DICER1: variants seen among roughly 807,000 people sequenced by gnomAD.
The protein encoded by DICER1 is endoribonuclease Dicer.
In DICER1, 43 loss-of-function variants were observed where a neutral mutation model predicts 194.1. That is an observed-to-expected ratio of 0.22 (90% CI 0.17 to 0.29). The LOEUF (loss-of-function observed/expected upper bound fraction) is 0.29. Ranked by LOEUF, DICER1 falls within the 10% of genes least tolerant of loss-of-function variation. The probability of loss-of-function intolerance (pLI) is 1.00; values close to 1 mark genes in which losing one functional copy is unlikely to be tolerated. For synonymous variants in DICER1, 832 were observed against 820.5 expected (o/e 1.01, Z -0.24); for missense variants, 1,608 against 2,317.0 (o/e 0.69, Z 6.28).
rs1889429281 is a variant in DICER1 at position 95,087,515 on chromosome 14, A to C, written c.*2983T>G. 4.3e-6 allele frequency: 1 copy of C among 232,994 alleles called. No individual in the cohort carries two copies. The highest frequency in any genetic ancestry group is 8.5e-6 in the Non-Finnish European group (1 of 117,986). The allele number at this position is 232,994 out of a possible 1,614,324, so 14.4% of individuals were successfully genotyped here. On this transcript the variant is annotated 3_prime_UTR_variant, in exon 27 of 27. Coordinates refer to ENST00000343455, the MANE Select transcript of DICER1 (RefSeq NM_177438.3). ...TATCTTTTTCAAATTCCATAAATCAAAACAGCAGCAAGGCCAAACCACATT... is the reference window on the plus strand; with the variant it reads ...TATCTTTTTCAAATTCCATAAATCACAACAGCAGCAAGGCCAAACCACATT...
At chr14:95,108,254 C>T in intron 15 of DICER1, 70 bp downstream of exon 15, 4 of 1,401,556 alleles carry the variant, frequency 2.9e-6, no homozygotes, top group African/African-American at 1.4e-5. Flanking sequence ...GTACTTACTA[C>T]TAGTTTTTTT....
At chr14:95,126,485 A>C in intron 7 of DICER1, 95 bp downstream of exon 7, 2 of 814,304 alleles carry the variant, frequency 2.5e-6, no homozygotes, top group South Asian at 1.7e-5. Flanking sequence ...TAAAATGCAA[A>C]GAAAAGAGCC....
intron 1 of DICER1, among the ~76,000 whole-genome samples, chr14:95,135,653 A>C (rs2140311888): frequency 6.6e-6 from 1 of 152,388 alleles, no homozygotes; most frequent in Non-Finnish European, 1.5e-5. Context: ...ACAAATGGAC[A>C]TAAAGATGGA....
At chr14:95,117,063 T>A (rs1426411125) in intron 9 of DICER1, among the ~76,000 whole-genome samples, 2 of 152,212 alleles carry the variant, frequency 1.3e-5, no homozygotes, top group Admixed American at 6.5e-5. Context: ...TTAAGTTAAA[T>A]AATAAACTTT....
At chr14:95,134,967 C>T (rs1566818353) in intron 1 of DICER1, among the ~76,000 whole-genome samples, 1 of 152,154 alleles carries the variant, frequency 6.6e-6, no homozygotes, top group Non-Finnish European at 1.5e-5. Context: ...ACCCTAGTAC[C>T]CAAGCCTAGT....
intron 8 of DICER1, among the ~76,000 whole-genome samples, chr14:95,118,686 C>T (rs1463259264): frequency 2.0e-5 from 3 of 152,038 alleles, no homozygotes; most frequent in Non-Finnish European, 4.4e-5. Flanking sequence ...ACTCAGCACA[C>T]GGGATAAATG....
chr14:95,091,489 T>A, intron 24 of DICER1, 124 bp from the exon 25 acceptor site: 16 of 863,898 alleles, frequency 1.9e-5, no homozygotes, highest in Non-Finnish European at 2.8e-5. Context: ...GAAATACCAT[T>A]TATGGTATGC....
intron 1 of DICER1, among the ~76,000 whole-genome samples, chr14:95,156,976 G>C (rs1027432477): frequency 6.6e-6 from 1 of 152,136 alleles, no homozygotes; most frequent in African/African-American, 2.4e-5. Context: ...AAGTCTCCCA[G>C]GGCTGCCTCG....
At chr14:95,146,442 A>C (rs578221513) in intron 1 of DICER1, among the ~76,000 whole-genome samples, 60 of 152,330 alleles carry the variant, frequency 3.9e-4, no homozygotes, top group African/African-American at 1.4e-3. Context: ...AGCCTGTAAA[A>C]GCCCAGGACC....
At position 95,105,204 on chromosome 14, in the gene DICER1, A is replaced by G; in HGVS notation, c.3136T>C (p.Ser1046Pro). 1.9e-6 allele frequency: 3 copies of G among 1,614,112 alleles called. No individual in the cohort carries two copies. Among genetic ancestry groups the G allele is most frequent in the Non-Finnish European group, 2.5e-6 (3 of 1,179,982 alleles). The change falls in exon 20 of 27, where the codon TCA becomes CCA. Residue 1046 changes from serine to proline, a missense_variant. Ser to Pro is a moderately conservative substitution (Grantham distance 74). Transcript: ENST00000343455. This position sits in a 1 kb window ranked among gnomAD's most constrained non-coding sequence, Gnocchi z 4.9. ...ELCAIHPIPASLWRKAVCLPS... is the reference protein window; with the variant it reads ...ELCAIHPIPAPLWRKAVCLPS... Reference sequence around the variant, plus strand: ...AGACAAACAGCTTTTCTCCACAGTGATGCTGGAATTGGATGTATAGCACAG... The same window carrying G: ...AGACAAACAGCTTTTCTCCACAGTGGTGCTGGAATTGGATGTATAGCACAG...
chr14:95,151,070 G>C (rs1353638848), intron 1 of DICER1, among the ~76,000 whole-genome samples: 2 of 152,152 alleles, frequency 1.3e-5, no homozygotes, highest in Non-Finnish European at 2.9e-5. Context: ...AACCTAACTT[G>C]AGGTTTATTT....
intron 3 of DICER1, among the ~76,000 whole-genome samples, chr14:95,132,023 C>T (rs996627707): frequency 7.2e-5 from 11 of 152,020 alleles, no homozygotes; most frequent in African/African-American, 2.4e-4. Context: ...ATATTAGTGC[C>T]CTACCAGCTT....
At chr14:95,102,635 G>A (rs1890981589) in intron 21 of DICER1, among the ~76,000 whole-genome samples, 1 of 152,194 alleles carries the variant, frequency 6.6e-6, no homozygotes, top group Non-Finnish European at 1.5e-5. Context: ...CAAGTGATCA[G>A]CAGCTTTCTA....
chr14:95,129,263 G>T lies in DICER1; in HGVS notation c.734+209C>A, dbSNP rs1893740205. On this transcript the variant is annotated intron_variant, in intron 6 of 26. Transcript: ENST00000343455. ...ACACATAATCTCTTAAGGCAGAAATGCCTGTCTGCTACTCTCTGTGGAAAC... is the reference window on the plus strand; with the variant it reads ...ACACATAATCTCTTAAGGCAGAAATTCCTGTCTGCTACTCTCTGTGGAAAC... The T allele has an allele frequency of 5.7e-6, 3 of 530,394 alleles. No individual in the cohort carries two copies. In the Admixed American group the frequency reaches 9.6e-5, roughly 17 times the overall value. The allele number at this position is 530,394 out of a possible 1,614,324, so 32.9% of individuals were successfully genotyped here. A position where few individuals can be genotyped will look rare whatever the true frequency, so the allele number is the denominator to read the frequency against.
At position 95,105,166 on chromosome 14, in the gene DICER1, A is replaced by C; in HGVS notation, c.3174T>G (p.Leu1058=). The C allele has an allele frequency of 6.2e-7, 1 of 1,614,184 alleles. No homozygotes were observed. The highest frequency in any genetic ancestry group is 8.5e-7 in the Non-Finnish European group (1 of 1,180,016). The change falls in exon 20 of 27, where the codon CTT becomes CTG. Residue 1058 remains leucine, a synonymous_variant. Transcript: ENST00000343455. The surrounding 1 kb of genome is among the most constrained non-coding windows in gnomAD (Gnocchi z 4.9). The stretch of plus-strand genomic sequence containing the variant: ...CAGTCAAAAGGCAGTGAAGGCGATA[A>C]AGTATGCTGGGGAGACAAACAGCTT... ...WRKAVCLPSI[L]YRLHCLLTAE... is the part of the protein sequence containing the mutation.
chr14:95,102,989 G>GCA (rs1891021956), intron 21 of DICER1, among the ~76,000 whole-genome samples: 1 of 152,186 alleles, frequency 6.6e-6, no homozygotes, highest in Non-Finnish European at 1.5e-5. Context: ...CAACAAAGCA[G>GCA]AAGCTCCTTG....
rs897277291 is a variant in DICER1 at position 95,090,751 on chromosome 14, G to C, written c.5604-88C>G. On this transcript the variant is annotated intron_variant, in intron 26 of 26. Coordinates refer to ENST00000343455, the MANE Select transcript of DICER1 (RefSeq NM_177438.3). ...CATTTAGTGTGCACTCTCAGGCCAG[G>C]AGTCCCATGTATAAGCTGACACCAC... 3.7e-5 allele frequency: 54 copies of C among 1,473,610 alleles called. 1 individual carries two copies. In the Middle Eastern group the frequency reaches 7.3e-4, roughly 20 times the overall value. 91.3% of individuals were successfully genotyped at this position (1,473,610 alleles called of 1,614,324 possible). A position where few individuals can be genotyped will look rare whatever the true frequency, so the allele number is the denominator to read the frequency against.
At chr14:95,135,319 T>C (rs771187400) in intron 1 of DICER1, among the ~76,000 whole-genome samples, 3 of 152,064 alleles carry the variant, frequency 2.0e-5, no homozygotes, top group Non-Finnish European at 2.9e-5. Context: ...AAGAAACAAG[T>C]CTAAGTTCTG....
intron 9 of DICER1, 67 bp from the exon 10 acceptor site, chr14:95,116,762 G>A (rs1353228694): frequency 4.7e-6 from 7 of 1,498,344 alleles, no homozygotes; most frequent in Non-Finnish European, 6.5e-6. Context: ...AAAAAAATTA[G>A]TAAAAGTAAA....
Sources: allele counts gnomAD v4.1 joint callset (sites outside exome capture counted in the v4.1 genomes callset), GRCh38; gene constraint gnomAD v4.1.1; non-coding constraint Gnocchi (gnomAD v3.1); transcripts MANE v1.5; gene names NCBI Gene and HGNC (gene_info 2026-07-23, HGNC 2026-07-21).